The following MIGA2 variants were observed in gnomAD, a reference collection of about 807,000 sequenced individuals.
MIGA2 encodes the protein mitoguardin 2, also known as family with sequence similarity 73, member B.
MIGA2 carries 36 observed loss-of-function variants against 69.9 expected under a neutral mutation model. That is an observed-to-expected ratio of 0.52 (90% CI 0.39 to 0.68). MIGA2 has a LOEUF of 0.68. Among genes scored for constraint, MIGA2 ranks in the 30% least tolerant of loss-of-function variants. The pLI is 0.00. For missense variants in MIGA2, 660 were observed against 787.7 expected (o/e 0.84, Z 1.94); for synonymous variants, 333 against 349.2 (o/e 0.95, Z 0.52).
chr9:129,066,089 G>A (rs1279488458), intron 11 of MIGA2, among the ~76,000 whole-genome samples: 2 of 152,318 alleles, frequency 1.3e-5, no homozygotes, highest in Middle Eastern at 3.4e-3. Context: ...TATACTCAAT[G>A]GTTCTTCACT....
chr9:129,055,567 G>A (rs1347659986), intron 6 of MIGA2, among the ~76,000 whole-genome samples: 2 of 152,036 alleles, frequency 1.3e-5, no homozygotes, highest in Non-Finnish European at 2.9e-5. Context: ...TATCTGGCCA[G>A]GGGCCTCGCG....
rs182622052 is a variant in MIGA2, at chr9:129,070,719, T to C, written c.*266T>C. 2.1e-4 allele frequency: 103 copies of C among 494,984 alleles called. No homozygotes were observed. In the East Asian group the frequency reaches 3.1e-3, roughly 15 times the overall value. 30.7% of individuals were successfully genotyped at this position (494,984 alleles called of 1,614,324 possible). A position where few individuals can be genotyped will look rare whatever the true frequency, so the allele number is the denominator to read the frequency against. ...AGAATTGGGACAGGCAGAGCCAGGATGCCCCAGGTGGGGGACCCCAAAACC... is the reference window on the plus strand; with the variant it reads ...AGAATTGGGACAGGCAGAGCCAGGACGCCCCAGGTGGGGGACCCCAAAACC... On this transcript the variant is annotated 3_prime_UTR_variant, in exon 16 of 16. Transcript: ENST00000684074.
rs1188363774 is a variant in MIGA2 at position 129,068,718 on chromosome 9, G to A, written c.1405-358G>A. The A allele has an allele frequency of 4.9e-6, 2 of 410,848 alleles. No individual in the cohort carries two copies. The highest frequency in any genetic ancestry group is 6.1e-5 in the South Asian group (2 of 32,588). 25.5% of individuals were successfully genotyped at this position (410,848 alleles called of 1,614,324 possible). On this transcript the variant is annotated intron_variant, in intron 13 of 15. Coordinates refer to ENST00000684074, the MANE Select transcript of MIGA2 (RefSeq NM_001329990.2). The surrounding 1 kb of genome is among the most constrained non-coding windows in gnomAD (Gnocchi z 4.1). ...GACCCCCAGGAAGGCAAGCAGTAACGCTCCAGCAGCCGGGCTGTGCTGCCT... is the reference window on the plus strand; with the variant it reads ...GACCCCCAGGAAGGCAAGCAGTAACACTCCAGCAGCCGGGCTGTGCTGCCT...
intron 3 of MIGA2, among the ~76,000 whole-genome samples, chr9:129,044,692 A>G (rs1488784405): frequency 6.6e-6 from 1 of 151,926 alleles, no homozygotes; most frequent in Admixed American, 6.6e-5. Context: ...AGCTGGAATT[A>G]CAGGCATGAG....
At chr9:129,066,432 T>C (rs1047920855) in intron 11 of MIGA2, among the ~76,000 whole-genome samples, 4 of 152,240 alleles carry the variant, frequency 2.6e-5, no homozygotes, top group South Asian at 2.1e-4. Flanking sequence ...CCCGGCACTT[T>C]GGGAGGCCAA....
rs2131357043 is a variant in MIGA2 at position 129,049,427 on chromosome 9, T to C, written c.467T>C (p.Leu156Pro). ...AGCCCCACAGCCGCGTGCTCGGGAC[T>C]ATGGGATGCCAGAGGGATGGAGGAG... ...SSSPTAACSGLWDARGMEESL... is the reference protein window; with the variant it reads ...SSSPTAACSGPWDARGMEESL... The change falls in exon 5 of 16, where the codon CTA becomes CCA. Residue 156 changes from leucine (L) to proline (P), a missense_variant. This residue lies in a region of MIGA2 where 386 missense variants were observed against 402.0 expected (regional missense o/e 0.96). Transcript: ENST00000684074. The C allele has an allele frequency of 6.2e-7, 1 of 1,613,592 alleles. No individual in the cohort carries two copies. Among genetic ancestry groups the C allele is most frequent in the Non-Finnish European group, 8.5e-7 (1 of 1,179,810 alleles).
intron 3 of MIGA2, among the ~76,000 whole-genome samples, chr9:129,042,794 G>T (rs1490243606): frequency 6.6e-6 from 1 of 152,136 alleles, no homozygotes; most frequent in East Asian, 1.9e-4. Flanking sequence ...GGGGGTCGGG[G>T]ATGTGGCTCC....
rs1043397428 is a variant in MIGA2, at chr9:129,040,467, C to G, written c.-128C>G. ...TGTCTCTTAGCTCTGTGGAGGGGCC[C>G]TCTGGTATGTGTGTCCCTGTCCTTC... On this transcript the variant is annotated 5_prime_UTR_variant, in exon 2 of 16. Transcript: ENST00000684074. The G allele has an allele frequency of 1.4e-6, 2 of 1,419,316 alleles. No homozygotes were observed. The highest frequency in any genetic ancestry group is 1.9e-6 in the Non-Finnish European group (2 of 1,075,824). The allele number at this position is 1,419,316 out of a possible 1,614,324, so 87.9% of individuals were successfully genotyped here.
chr9:129,069,770 C>A lies in MIGA2; in HGVS notation c.1459-79C>A. On this transcript the variant is annotated intron_variant, in intron 14 of 15. Transcript: ENST00000684074. This position sits in a 1 kb window ranked among gnomAD's most constrained non-coding sequence, Gnocchi z 4.9. ...AGCTGGGGCGACCTCTAAAGCCCAG[C>A]CCTTTATGCGACACCTGGGCCTGGT... 1.0e-6 allele frequency: 1 copy of A among 959,332 alleles called. No individual in the cohort carries two copies. Among genetic ancestry groups the A allele is most frequent in the Non-Finnish European group, 1.7e-6 (1 of 587,800 alleles). 59.4% of individuals were successfully genotyped at this position (959,332 alleles called of 1,614,324 possible).
rs191673266 is a variant in MIGA2 at position 129,038,555 on chromosome 9, G to A, written c.-144+1874G>A. ...AGGGGAGTATCTCCCAAGGTCCAGG[G>A]GAAAGCTGCCCAGTACTCTGTGGTC... On this transcript the variant is annotated intron_variant, in intron 1 of 15. Coordinates refer to ENST00000684074, the MANE Select transcript of MIGA2 (RefSeq NM_001329990.2). 1.6e-3 allele frequency among the ~76,000 whole-genome samples: 250 copies of A among 152,202 alleles called. 2 individuals carry two copies. The highest frequency in any genetic ancestry group is 5.4e-3 in the African/African-American group (224 of 41,512).
At chr9:129,050,956 C>T (rs999854455) in intron 6 of MIGA2, among the ~76,000 whole-genome samples, 3 of 151,974 alleles carry the variant, frequency 2.0e-5, no homozygotes, top group African/African-American at 7.3e-5. Context: ...TCACTGCAAC[C>T]TCCGCCTCCC....
At position 129,068,950 on chromosome 9, in the gene MIGA2, G is replaced by T; in HGVS notation, c.1405-126G>T. On this transcript the variant is annotated intron_variant, in intron 13 of 15. Coordinates refer to ENST00000684074, the MANE Select transcript of MIGA2 (RefSeq NM_001329990.2). This position sits in a 1 kb window ranked among gnomAD's most constrained non-coding sequence, Gnocchi z 4.1. ...AGGAAGCAGCAGAGCTTAGGCACCT[G>T]GCCCCATCTTCCTGCTTGGAGTGGG... 9.7e-7 allele frequency: 1 copy of T among 1,028,054 alleles called. No homozygotes were observed. Among genetic ancestry groups the T allele is most frequent in the Non-Finnish European group, 1.5e-6 (1 of 657,392 alleles). 63.7% of individuals were successfully genotyped at this position (1,028,054 alleles called of 1,614,324 possible).
chr9:129,049,246 G>T (rs1041910052), intron 4 of MIGA2, 135 bp from the exon 5 acceptor site: 18 of 790,500 alleles, frequency 2.3e-5, no homozygotes, highest in Non-Finnish European at 3.3e-5. Context: ...GGACGCTGTG[G>T]CTAGGAACAA....
Position 129,070,275 on chromosome 9 carries a change from T to C in MIGA2, c.1604T>C (p.Met535Thr). The C allele has an allele frequency of 6.2e-7, 1 of 1,613,060 alleles. No homozygotes were observed. ...CAGATTGTGCAGTACCTGAGGGACA[T>C]GTTCGACCTGGACAATGTGCGCTAC... ...KHQIVQYLRD[M>T]FDLDNVRYTS... The change falls in exon 16 of 16, where the codon ATG (methionine) becomes ACG (threonine). Residue 535 changes from methionine to threonine, a missense_variant. This residue lies in a region of MIGA2 where 220 missense variants were observed against 301.7 expected (regional missense o/e 0.73). Transcript: ENST00000684074.
intron 6 of MIGA2, among the ~76,000 whole-genome samples, chr9:129,056,317 T>C (rs1845795467): frequency 6.7e-6 from 1 of 148,566 alleles, no homozygotes; most frequent in African/African-American, 2.5e-5. Context: ...GCACCACTAG[T>C]TCTACACTGT....
At position 129,061,494 on chromosome 9, in the gene MIGA2, G is replaced by A. The variant is rs1227006297; in HGVS notation, c.1010+148G>A. On this transcript the variant is annotated intron_variant, in intron 9 of 15. Coordinates refer to ENST00000684074, the MANE Select transcript of MIGA2 (RefSeq NM_001329990.2). The surrounding 1 kb of genome is among the most constrained non-coding windows in gnomAD (Gnocchi z 5.0). ...TGAGGGCCGTGGTGAGCTGGTGACA[G>A]CTCCTCCCCCAGCTGCAGAGGGCCT... 3 of 671,030 alleles carry A rather than the reference G, an allele frequency of 4.5e-6. No individual in the cohort carries two copies. The highest frequency in any genetic ancestry group is 5.5e-5 in the East Asian group (2 of 36,624). The allele number at this position is 671,030 out of a possible 1,614,324, so 41.6% of individuals were successfully genotyped here.
Position 129,070,096 on chromosome 9 carries a change from T to C in MIGA2, c.1575+131T>C, listed in dbSNP as rs112535599. ...GAGAGAGGGCAGAGCCAGACCCACATGGGTCCAGAGGAAGCAGTGGGAGGG... is the reference window on the plus strand; with the variant it reads ...GAGAGAGGGCAGAGCCAGACCCACACGGGTCCAGAGGAAGCAGTGGGAGGG... On this transcript the variant is annotated intron_variant, in intron 15 of 15. Coordinates refer to ENST00000684074, the MANE Select transcript of MIGA2 (RefSeq NM_001329990.2). 6.6e-6 allele frequency: 8 copies of C among 1,218,716 alleles called. No individual in the cohort carries two copies. In the East Asian group the frequency reaches 1.6e-4, roughly 25 times the overall value. 75.5% of individuals were successfully genotyped at this position (1,218,716 alleles called of 1,614,324 possible).
rs1846588025 is a variant in MIGA2, at chr9:129,070,048, G to A, written c.1575+83G>A. 4.0e-6 allele frequency: 5 copies of A among 1,260,406 alleles called. No individual in the cohort carries two copies. The Admixed American group carries it at 8.5e-5, about 21-fold the overall frequency. 78.1% of individuals were successfully genotyped at this position (1,260,406 alleles called of 1,614,324 possible). ...GGGAGGTGCCAGGAATGGGATGAGG[G>A]CCTGGGCCTGGGCCTGCTCCCAGAG... On this transcript the variant is annotated intron_variant, in intron 15 of 15. Coordinates refer to ENST00000684074, the MANE Select transcript of MIGA2 (RefSeq NM_001329990.2).
At chr9:129,070,187 T>TG in intron 15 of MIGA2, 60 bp from the exon 16 acceptor site, 3 of 1,576,864 alleles carry the variant, frequency 1.9e-6, no homozygotes, top group Non-Finnish European at 2.6e-6. Flanking sequence ...TCAGGTAACC[T>TG]GGGGGGCATC....
Sources: allele counts gnomAD v4.1 joint callset (sites outside exome capture counted in the v4.1 genomes callset), GRCh38; gene constraint gnomAD v4.1.1; regional missense constraint gnomAD v4.1.1; non-coding constraint Gnocchi (gnomAD v3.1); transcripts MANE v1.5; gene names NCBI Gene and HGNC (gene_info 2026-07-23, HGNC 2026-07-21).